Variants in N4BP2L2 observed in about 807,000 individuals in gnomAD.
The protein encoded by N4BP2L2 is NEDD4 binding protein 2 like 2, also known as NEDD4-binding protein 2-like 2.
Under a neutral mutation model 56.2 loss-of-function variants are expected in N4BP2L2, and 50 were observed. The ratio of observed to expected loss-of-function variants is 0.89; its 90% confidence interval spans 0.71 to 1.13. N4BP2L2 has a LOEUF of 1.13. N4BP2L2 is among the 50% of genes most tolerant of loss of function. N4BP2L2 has a pLI of 0.00. For synonymous variants in N4BP2L2, 203 were observed against 223.6 expected (o/e 0.91, Z 0.82); for missense variants, 689 against 693.8 (o/e 0.99, Z 0.08).
At position 32,470,454 on chromosome 13, in the gene N4BP2L2, A is replaced by G. The variant is rs539185888; in HGVS notation, c.366-26328T>C. Among the ~76,000 whole-genome samples the G allele has an allele frequency of 1.9e-3, 285 of 152,306 alleles. 3 individuals carry two copies. In the South Asian group the frequency reaches 0.021, roughly 11 times the overall value. On this transcript the variant is annotated intron_variant, in intron 6 of 9. Coordinates refer to the N4BP2L2 transcript ENST00000357505. ...TAGACATAAGCCCTATGGGTAGTTG[A>G]CCAGGGGTGCTCATTTAAGCTGGAT...
intron 6 of N4BP2L2, among the ~76,000 whole-genome samples, chr13:32,449,425 A>C (rs2077531301): frequency 6.6e-6 from 1 of 152,234 alleles, no homozygotes; most frequent in African/African-American, 2.4e-5. Flanking sequence ...CAGAAACTAG[A>C]AATTCTTGAC....
intron 5 of N4BP2L2, among the ~76,000 whole-genome samples, chr13:32,519,181 C>A (rs926750273): frequency 6.7e-6 from 1 of 149,306 alleles, no homozygotes; most frequent in Non-Finnish European, 1.5e-5. Context: ...CTGAGGCCAG[C>A]GGAATGCTTG....
At chr13:32,502,397 C>G (rs1377427118) in intron 6 of N4BP2L2, among the ~76,000 whole-genome samples, 1 of 152,004 alleles carries the variant, frequency 6.6e-6, no homozygotes, top group Non-Finnish European at 1.5e-5. Flanking sequence ...TACTATAAAA[C>G]TGGGTTGTTT....
chr13:32,467,939 G>A (rs544357549), intron 6 of N4BP2L2, among the ~76,000 whole-genome samples: 1 of 150,886 alleles, frequency 6.6e-6, no homozygotes, highest in South Asian at 2.2e-4. Flanking sequence ...GCAGTGAGGC[G>A]AGATTGCACC....
intron 6 of N4BP2L2, among the ~76,000 whole-genome samples, chr13:32,451,152 G>A (rs907160075): frequency 1.3e-5 from 2 of 152,076 alleles, no homozygotes; most frequent in Admixed American, 6.5e-5. Flanking sequence ...AGTAGAAGAC[G>A]CTAGCCATGG....
At chr13:32,486,373 A>G (rs1284187269) in intron 6 of N4BP2L2, among the ~76,000 whole-genome samples, 1 of 152,128 alleles carries the variant, frequency 6.6e-6, no homozygotes, top group Non-Finnish European at 1.5e-5. Flanking sequence ...GTAATTAAAA[A>G]CTATTAAAAA....
At chr13:32,513,512 A>C (rs927544164) in exon 6 of N4BP2L2, 1 of 152,174 alleles carries the variant, frequency 6.6e-6, no homozygotes, top group Non-Finnish European at 1.5e-5. Context: ...CTTATCACCA[A>C]ACATTCATTA....
At chr13:32,531,053 C>A (rs1479583627) in intron 2 of N4BP2L2, among the ~76,000 whole-genome samples, 1 of 152,096 alleles carries the variant, frequency 6.6e-6, no homozygotes, top group Non-Finnish European at 1.5e-5. Context: ...AGTCTTCAAT[C>A]CAACATAGCT....
At chr13:32,536,051 C>G in exon 2 of N4BP2L2, 1 of 1,613,950 alleles carries the variant, frequency 6.2e-7, no homozygotes, top group African/African-American at 1.3e-5. Context: ...CATGCAATTC[C>G]AGTTAACATG....
intron 6 of N4BP2L2, among the ~76,000 whole-genome samples, chr13:32,467,577 C>T (rs1489368349): frequency 6.6e-6 from 1 of 150,962 alleles, no homozygotes; most frequent in African/African-American, 2.4e-5. Context: ...CGTGCCTGGC[C>T]AACAGAGGGC....
At chr13:32,511,288 A>G (rs951656847) in exon 6 of N4BP2L2, 6 of 152,222 alleles carry the variant, frequency 3.9e-5, no homozygotes, top group Non-Finnish European at 8.8e-5. Flanking sequence ...ATTGCACCAT[A>G]TAAGGAACCA....
intron 6 of N4BP2L2, among the ~76,000 whole-genome samples, chr13:32,500,691 C>T (rs2089824119): frequency 6.6e-6 from 1 of 151,144 alleles, no homozygotes; most frequent in East Asian, 2.0e-4. Context: ...GAACTCCAGC[C>T]TGGGTGACAG....
intron 6 of N4BP2L2, chr13:32,477,186 G>C (rs1330623997): frequency 4.1e-6 from 2 of 493,152 alleles, no homozygotes; most frequent in African/African-American, 2.0e-5. Flanking sequence ...TTTCTCCTTG[G>C]GCAGTCAGAA....
chr13:32,521,581 T>C, intron 4 of N4BP2L2, 132 bp from the exon 5 acceptor site: 2 of 612,624 alleles, frequency 3.3e-6, no homozygotes, highest in Non-Finnish European at 2.9e-6. Flanking sequence ...CTTTATAAAA[T>C]AATATGGTTT....
rs571864611 is a variant in N4BP2L2, at chr13:32,479,887, GGAGA to G, written c.366-35765_366-35762del. ...GGAGAAGGGAAGTGCAGGGAGAGAC[GGAGA>G]GAGAGACAGAGACACAGAGTGAGAG... On this transcript the variant is annotated intron_variant, in intron 6 of 9. Transcript: ENST00000357505. Among the ~76,000 whole-genome samples, 12 of 151,730 alleles carry G rather than the reference GGAGA, an allele frequency of 7.9e-5. No homozygotes were observed. In the East Asian group the frequency reaches 2.1e-3, roughly 27 times the overall value.
At chr13:32,462,619 A>G (rs557451494) in intron 6 of N4BP2L2, among the ~76,000 whole-genome samples, 1 of 152,242 alleles carries the variant, frequency 6.6e-6, no homozygotes, top group Non-Finnish European at 1.5e-5. Flanking sequence ...CAGGTCTTGA[A>G]ACATTCCCAA....
At chr13:32,436,994 C>T (rs1175484652) in intron 8 of N4BP2L2, among the ~76,000 whole-genome samples, 2 of 151,810 alleles carry the variant, frequency 1.3e-5, no homozygotes, top group Non-Finnish European at 2.9e-5. Context: ...GATTCTCCTG[C>T]CTCAGCCTCC....
At chr13:32,519,482 T>C (rs1594033037) in intron 5 of N4BP2L2, among the ~76,000 whole-genome samples, 1 of 151,762 alleles carries the variant, frequency 6.6e-6, no homozygotes, top group Non-Finnish European at 1.5e-5. Context: ...ATGGTGAAAC[T>C]CCGTCTCTAC....
At chr13:32,518,936 T>C (rs1191220225) in intron 5 of N4BP2L2, among the ~76,000 whole-genome samples, 1 of 152,212 alleles carries the variant, frequency 6.6e-6, no homozygotes, top group Non-Finnish European at 1.5e-5. Flanking sequence ...TTTACCCTCA[T>C]AGTTTTCTGT....
Sources: allele counts gnomAD v4.1 joint callset (sites outside exome capture counted in the v4.1 genomes callset), GRCh38; gene constraint gnomAD v4.1.1; transcripts MANE v1.5; gene names NCBI Gene and HGNC (gene_info 2026-07-23, HGNC 2026-07-21).